AGMO: variants seen among roughly 807,000 people sequenced by gnomAD.
AGMO encodes glyceryl-ether monooxygenase.
AGMO carries 75 observed loss-of-function variants against 60.2 expected under a neutral mutation model. The ratio of observed to expected loss-of-function variants is 1.25; its 90% CI spans 1.03 to 1.51. The LOEUF (loss-of-function observed/expected upper bound fraction) is 1.51. AGMO is among the 40% of genes most tolerant of loss of function. AGMO has a pLI of 0.00. For missense variants in AGMO, 763 were observed against 525.5 expected, an observed-to-expected ratio of 1.45 and a Z score of -4.42; for synonymous variants, 261 against 177.1, an observed-to-expected ratio of 1.47 and a Z score of -3.76.
chr7:15,201,704 T>C (rs1781288249), intron 12 of AGMO, among the ~76,000 whole-genome samples: 1 of 152,154 alleles, frequency 6.6e-6, no homozygotes, highest in African/African-American at 2.4e-5. Context: ...TACTAGATGA[T>C]CTAATTGCTT....
chr7:15,447,481 A>G (rs1429046680), intron 3 of AGMO, among the ~76,000 whole-genome samples: 7 of 152,240 alleles, frequency 4.6e-5, no homozygotes, highest in African/African-American at 1.4e-4. Flanking sequence ...GTGCTATTAT[A>G]GAAGCAAGAC....
intron 3 of AGMO, among the ~76,000 whole-genome samples, chr7:15,431,485 G>A (rs988586095): frequency 7.2e-5 from 11 of 151,778 alleles, no homozygotes; most frequent in Non-Finnish European, 1.5e-4. Flanking sequence ...ATTTTTCAGC[G>A]TGTGATAACA....
the AGMO span, among the ~76,000 whole-genome samples, chr7:15,145,128 G>A: frequency 2.6e-5 from 4 of 152,086 alleles, no homozygotes; most frequent in Admixed American, 1.3e-4. Context: ...GCGCCCGGCC[G>A]GCGTTAAGTT....
intron 3 of AGMO, among the ~76,000 whole-genome samples, chr7:15,501,738 C>A (rs1783390939): frequency 6.6e-6 from 1 of 151,394 alleles, no homozygotes. Context: ...TACAATTGAA[C>A]AAGAAAATGG....
At chr7:15,198,068 T>C (rs1235013159), downstream of AGMO, among the ~76,000 whole-genome samples, 1 of 152,184 alleles carries the variant, frequency 6.6e-6, no homozygotes, top group Non-Finnish European at 1.5e-5. Context: ...AAACAAATGC[T>C]CCTTTCCTCT....
intron 12 of AGMO, among the ~76,000 whole-genome samples, chr7:15,325,465 C>CA (rs1781308646): frequency 6.6e-6 from 1 of 151,894 alleles, no homozygotes; most frequent in Non-Finnish European, 1.5e-5. Flanking sequence ...AATTATTTTC[C>CA]GTTGTTTTTT....
At chr7:15,253,240 G>A (rs146798892) in intron 12 of AGMO, among the ~76,000 whole-genome samples, 193 of 152,220 alleles carry the variant, frequency 1.3e-3, no homozygotes, top group African/African-American at 4.5e-3. Flanking sequence ...AAAGGCCTGG[G>A]TAGGAACAAA....
chr7:15,188,144 A>C, the AGMO span, among the ~76,000 whole-genome samples: 1 of 152,180 alleles, frequency 6.6e-6, no homozygotes, highest in Non-Finnish European at 1.5e-5. Context: ...TTCACGAAGA[A>C]GGGCGCAAAC....
rs535637710 is a variant in AGMO at position 15,242,105 on chromosome 7, A to C, written c.1264-40746T>G. ...CAAGAGTATAATTAAATTTTTCCCC[A>C]AAAATCCCTCTCTTTTGATTAATTT... On this transcript the variant is annotated intron_variant, in intron 12 of 12. Coordinates refer to ENST00000342526, the MANE Select transcript of AGMO (RefSeq NM_001004320.2). 1.0e-3 allele frequency among the ~76,000 whole-genome samples: 156 copies of C among 152,270 alleles called. 1 individual carries two copies. Among genetic ancestry groups the C allele is most frequent in the African/African-American group, 3.5e-3 (145 of 41,538 alleles).
At chr7:15,318,047 C>G (rs1379212956) in intron 12 of AGMO, among the ~76,000 whole-genome samples, 2 of 150,324 alleles carry the variant, frequency 1.3e-5, no homozygotes, top group Non-Finnish European at 2.9e-5. Context: ...GCTCTATCAC[C>G]CAGGCTGGTG....
chr7:15,445,319 A>G (rs2128503523), intron 3 of AGMO, among the ~76,000 whole-genome samples: 1 of 152,284 alleles, frequency 6.6e-6, no homozygotes, highest in Admixed American at 6.5e-5. Context: ...AACATTCAAA[A>G]CTATATTGGA....
chr7:15,362,928 T>A (rs1426081827), intron 12 of AGMO, among the ~76,000 whole-genome samples: 1 of 152,204 alleles, frequency 6.6e-6, no homozygotes, highest in Admixed American at 6.5e-5. Flanking sequence ...AGTTATAGTG[T>A]CAGACTTCCT....
the AGMO span, among the ~76,000 whole-genome samples, chr7:15,162,880 T>G: frequency 6.6e-6 from 1 of 152,150 alleles, no homozygotes; most frequent in African/African-American, 2.4e-5. Flanking sequence ...AAAGATAGAA[T>G]TTTATTGCAT....
chr7:15,277,500 C>T lies in AGMO; in HGVS notation c.1264-76141G>A, dbSNP rs528482172. ...TTCTGATCTGGAGAAGCTGACACTT[C>T]TTGCTTTTGGATTTGTTTTCATTTG... is the stretch of plus-strand genomic sequence containing the variant. On this transcript the variant is annotated intron_variant, in intron 12 of 12. Transcript: ENST00000342526. Among the ~76,000 whole-genome samples, 3 of 151,688 alleles carry T rather than the reference C, an allele frequency of 2.0e-5. No homozygotes were observed. In the East Asian group the frequency reaches 5.8e-4, roughly 30 times the overall value.
At chr7:15,167,657 T>C in the AGMO span, among the ~76,000 whole-genome samples, 4 of 152,190 alleles carry the variant, frequency 2.6e-5, no homozygotes, top group African/African-American at 9.7e-5. Context: ...CTAAGATTAC[T>C]ATTCTGAAAG....
At chr7:15,326,346 T>A (rs550744223) in intron 12 of AGMO, among the ~76,000 whole-genome samples, 2 of 152,146 alleles carry the variant, frequency 1.3e-5, no homozygotes, top group Non-Finnish European at 2.9e-5. Context: ...GGATGATAGG[T>A]GTTTTTTAGA....
At chr7:15,480,206 G>A (rs1291395068) in intron 3 of AGMO, among the ~76,000 whole-genome samples, 1 of 152,254 alleles carries the variant, frequency 6.6e-6, no homozygotes, top group South Asian at 2.1e-4. Flanking sequence ...TTGCTAGTGC[G>A]AGTAATTAAG....
chr7:15,192,712 G>T, the AGMO span, among the ~76,000 whole-genome samples: 1 of 152,088 alleles, frequency 6.6e-6, no homozygotes. Context: ...CACACCCTTA[G>T]ACGCTACTGT....
At chr7:15,233,969 C>A (rs997656293) in intron 12 of AGMO, among the ~76,000 whole-genome samples, 3 of 152,162 alleles carry the variant, frequency 2.0e-5, no homozygotes, top group Non-Finnish European at 4.4e-5. Flanking sequence ...ATCACTTGAA[C>A]CTCGGAGGTG....
Sources: gnomAD v4.1 joint callset for allele counts (sites outside exome capture counted in the v4.1 genomes callset) on GRCh38, gnomAD v4.1.1 for gene constraint, MANE v1.5 for transcripts, NCBI Gene and HGNC (gene_info 2026-07-23, HGNC 2026-07-21) for gene names.